Variants in ST6GALNAC3 observed in about 807,000 individuals in gnomAD.
ST6GALNAC3 encodes the protein alpha-N-acetylgalactosaminide alpha-2,6-sialyltransferase 3.
A neutral mutation model predicts 32.7 loss-of-function variants in ST6GALNAC3; 25 were observed. The ratio of observed to expected loss-of-function variants is 0.76; its 90% CI spans 0.56 to 1.07. The LOEUF (loss-of-function observed/expected upper bound fraction) is 1.07, where lower values mean the gene tolerates loss of function less well. Among genes scored for constraint, ST6GALNAC3 ranks in the 50% least tolerant of loss-of-function variants. The pLI is 0.00. For missense variants in ST6GALNAC3, 355 were observed against 382.4 expected, an observed-to-expected ratio of 0.93 and a Z score of 0.60; for synonymous variants, 129 against 133.1, an observed-to-expected ratio of 0.97 and a Z score of 0.21.
At chr1:76,477,136 A>G (rs948128266) in intron 3 of ST6GALNAC3, among the ~76,000 whole-genome samples, 9 of 152,206 alleles carry the variant, frequency 5.9e-5, no homozygotes, top group African/African-American at 9.7e-5. Context: ...ATAAAGAAAA[A>G]GAAGAAACAA....
At chr1:76,290,472 A>T (rs1444106967) in intron 1 of ST6GALNAC3, among the ~76,000 whole-genome samples, 1 of 151,964 alleles carries the variant, frequency 6.6e-6, no homozygotes, top group Non-Finnish European at 1.5e-5. Context: ...GTAAATACTG[A>T]TATTGTTTCT....
intron 3 of ST6GALNAC3, among the ~76,000 whole-genome samples, chr1:76,621,341 G>A (rs1161789189): frequency 1.3e-5 from 2 of 151,892 alleles, no homozygotes; most frequent in Non-Finnish European, 2.9e-5. Context: ...CCTTTCACTT[G>A]GTTCATTCTC....
chr1:76,361,057 CT>C lies in ST6GALNAC3; in HGVS notation c.213+47068del, dbSNP rs879934081. Among the ~76,000 whole-genome samples the C allele has an allele frequency of 1.9e-3, 275 of 146,888 alleles. 2 individuals are homozygous for C. The highest frequency in any genetic ancestry group is 6.1e-3 in the African/African-American group (243 of 40,102). ...AGTCAGAAACATACCTTAGGTTTTG[CT>C]TTTTTTTTTAATTGTTATAAAAAAT... On this transcript the variant is annotated intron_variant, in intron 2 of 4. Coordinates refer to ENST00000328299, the MANE Select transcript of ST6GALNAC3 (RefSeq NM_152996.4).
chr1:76,432,852 C>A (rs897988512), intron 3 of ST6GALNAC3, among the ~76,000 whole-genome samples: 3 of 152,136 alleles, frequency 2.0e-5, no homozygotes, highest in Non-Finnish European at 4.4e-5. Flanking sequence ...TTTGTACCAT[C>A]AAAAGATGTT....
intron 1 of ST6GALNAC3, among the ~76,000 whole-genome samples, chr1:76,228,441 A>G (rs1396409030): frequency 6.6e-6 from 1 of 152,164 alleles, no homozygotes; most frequent in Non-Finnish European, 1.5e-5. Flanking sequence ...GTGGCCCAGT[A>G]ACCTTGCGAA....
At chr1:76,608,427 A>G (rs139539134) in intron 3 of ST6GALNAC3, among the ~76,000 whole-genome samples, 2 of 152,278 alleles carry the variant, frequency 1.3e-5, no homozygotes, top group South Asian at 2.1e-4. Context: ...AAAAATCTCT[A>G]CTATGTTGAG....
intron 3 of ST6GALNAC3, among the ~76,000 whole-genome samples, chr1:76,494,452 T>TAC (rs1660688498): frequency 1.2e-5 from 1 of 84,386 alleles, no homozygotes; most frequent in Non-Finnish European, 2.3e-5. Flanking sequence ...TATATATATA[T>TAC]ATATATATAT....
intron 2 of ST6GALNAC3, among the ~76,000 whole-genome samples, chr1:76,361,840 A>G (rs1649965011): frequency 1.3e-5 from 2 of 150,486 alleles, no homozygotes; most frequent in African/African-American, 5.0e-5. Flanking sequence ...TTAGCCTGGC[A>G]TGGGGCACAC....
At chr1:76,593,284 G>C (rs1477941980) in intron 3 of ST6GALNAC3, among the ~76,000 whole-genome samples, 1 of 152,166 alleles carries the variant, frequency 6.6e-6, no homozygotes, top group Non-Finnish European at 1.5e-5. Flanking sequence ...ATTCTGTAAA[G>C]AACTGTGTTG....
chr1:76,075,173 A>G (rs970007619), intron 1 of ST6GALNAC3, among the ~76,000 whole-genome samples: 3 of 152,122 alleles, frequency 2.0e-5, no homozygotes, highest in African/African-American at 7.2e-5. Context: ...TGGGGATGGT[A>G]GGGAGAGGAG....
chr1:76,205,719 G>A (rs1487612592), intron 1 of ST6GALNAC3, among the ~76,000 whole-genome samples: 1 of 152,196 alleles, frequency 6.6e-6, no homozygotes, highest in Admixed American at 6.5e-5. Flanking sequence ...GAACCCAAAA[G>A]CATTTCCACC....
intron 3 of ST6GALNAC3, among the ~76,000 whole-genome samples, chr1:76,488,111 G>A (rs1207603026): frequency 6.6e-6 from 1 of 152,176 alleles, no homozygotes; most frequent in Admixed American, 6.5e-5. Context: ...CAAATCTCAT[G>A]CTGAAATATA....
chr1:76,186,846 A>G (rs549817550), intron 1 of ST6GALNAC3, among the ~76,000 whole-genome samples: 1 of 152,292 alleles, frequency 6.6e-6, no homozygotes, highest in Non-Finnish European at 1.5e-5. Flanking sequence ...GAGGATTCTT[A>G]TAACAATCAC....
intron 3 of ST6GALNAC3, among the ~76,000 whole-genome samples, chr1:76,610,231 T>C (rs1183975387): frequency 6.6e-6 from 1 of 152,192 alleles, no homozygotes; most frequent in African/African-American, 2.4e-5. Context: ...TGCTAACTGG[T>C]TGTCAGTGAG....
At chr1:76,463,357 G>A (rs192210591) in intron 3 of ST6GALNAC3, among the ~76,000 whole-genome samples, 32 of 152,260 alleles carry the variant, frequency 2.1e-4, no homozygotes, top group Admixed American at 1.5e-3. Flanking sequence ...ACTTTGCTGT[G>A]GAATGCATTC....
intron 2 of ST6GALNAC3, among the ~76,000 whole-genome samples, chr1:76,391,941 T>A (rs1484699900): frequency 6.6e-6 from 1 of 152,200 alleles, no homozygotes. Flanking sequence ...TTATTTTCAT[T>A]AGGCCTGTTA....
chr1:76,498,952 A>T (rs1661017529), intron 3 of ST6GALNAC3, among the ~76,000 whole-genome samples: 1 of 152,150 alleles, frequency 6.6e-6, no homozygotes, highest in South Asian at 2.1e-4. Context: ...AGCCATAAAT[A>T]TTAATTAAAC....
intron 1 of ST6GALNAC3, among the ~76,000 whole-genome samples, chr1:76,253,621 G>A (rs1163004251): frequency 6.6e-6 from 1 of 152,026 alleles, no homozygotes; most frequent in Non-Finnish European, 1.5e-5. Context: ...TTTTCTTTTA[G>A]ATGAGTTCAA....
At chr1:76,123,989 GA>G (rs1649067602) in intron 1 of ST6GALNAC3, among the ~76,000 whole-genome samples, 1 of 151,958 alleles carries the variant, frequency 6.6e-6, no homozygotes, top group Non-Finnish European at 1.5e-5. Flanking sequence ...GACCTCAAGT[GA>G]TCCACCCACC....
Sources: gnomAD v4.1 joint callset for allele counts (sites outside exome capture counted in the v4.1 genomes callset) on GRCh38, gnomAD v4.1.1 for gene constraint, MANE v1.5 for transcripts, NCBI Gene and HGNC (gene_info 2026-07-23, HGNC 2026-07-21) for gene names.